DYM: variants seen among roughly 807,000 people sequenced by gnomAD.
The protein encoded by DYM is dymeclin.
DYM carries 78 observed loss-of-function variants against 93.1 expected under a neutral mutation model. The ratio of observed to expected loss-of-function variants is 0.84; its 90% CI spans 0.70 to 1.01. The LOEUF is 1.01. Ranked by LOEUF, DYM falls within the 50% of genes least tolerant of loss-of-function variation. The pLI, the probability that DYM is intolerant of heterozygous loss-of-function variation, is 0.00. For missense variants in DYM, 789 were observed against 845.0 expected (o/e 0.93, Z 0.82); for synonymous variants, 321 against 319.7 (o/e 1.00, Z -0.04).
Position 49,041,232 on chromosome 18 carries a change from G to A in DYM, c.*2823C>T, listed in dbSNP as rs1039625330. On this transcript the variant is annotated 3_prime_UTR_variant, in exon 18 of 18. Coordinates refer to ENST00000675505, the MANE Select transcript of DYM (RefSeq NM_001353214.3). Reference sequence around the variant, plus strand: ...TAGAAATCTGAAGCTCTTCTGCAAAGTGCCTTGAACTCTTGATAGGGAAGA... The same window carrying A: ...TAGAAATCTGAAGCTCTTCTGCAAAATGCCTTGAACTCTTGATAGGGAAGA... 3.3e-5 allele frequency among the ~76,000 whole-genome samples: 5 copies of A among 152,210 alleles called. No homozygotes were observed. The highest frequency in any genetic ancestry group is 7.2e-5 in the African/African-American group (3 of 41,454).
At chr18:49,416,719 G>C (rs960094255) in intron 2 of DYM, among the ~76,000 whole-genome samples, 1 of 152,084 alleles carries the variant, frequency 6.6e-6, no homozygotes, top group African/African-American at 2.4e-5. Context: ...TCCTGCCCTA[G>C]TTTTTCTTCC....
chr18:49,357,681 A>T (rs1469073899), intron 6 of DYM, among the ~76,000 whole-genome samples: 2 of 152,232 alleles, frequency 1.3e-5, no homozygotes, highest in East Asian at 3.8e-4. Flanking sequence ...TCAGTAAAGA[A>T]ATATTTGAGT....
intron 15 of DYM, among the ~76,000 whole-genome samples, chr18:49,153,119 C>G (rs1342927577): frequency 2.0e-5 from 3 of 152,126 alleles, no homozygotes; most frequent in Non-Finnish European, 4.4e-5. Flanking sequence ...TCTCATCACA[C>G]AAAATGGTAA....
At chr18:49,358,053 G>A (rs1374522762) in intron 6 of DYM, among the ~76,000 whole-genome samples, 2 of 152,178 alleles carry the variant, frequency 1.3e-5, no homozygotes, top group Non-Finnish European at 2.9e-5. Flanking sequence ...AAGAGTCTGA[G>A]ATGGGAGAAT....
chr18:49,063,333 G>C (rs994664430), intron 17 of DYM, among the ~76,000 whole-genome samples: 2 of 146,738 alleles, frequency 1.4e-5, no homozygotes, highest in Non-Finnish European at 1.5e-5. Context: ...TTAAATCCAT[G>C]CCTAAAGAAT....
chr18:49,072,874 G>C (rs371034499), intron 17 of DYM, among the ~76,000 whole-genome samples: 4 of 152,168 alleles, frequency 2.6e-5, no homozygotes, highest in African/African-American at 7.2e-5. Flanking sequence ...CATTGCTATC[G>C]TGTGCCCCTT....
At chr18:49,044,357 T>C (rs2071192029) in intron 17 of DYM, among the ~76,000 whole-genome samples, 153 bp from the exon 18 acceptor site, 2 of 152,232 alleles carry the variant, frequency 1.3e-5, no homozygotes, top group African/African-American at 4.8e-5. Flanking sequence ...TTAAAATATT[T>C]CAGCTATCAA....
intron 8 of DYM, among the ~76,000 whole-genome samples, chr18:49,310,097 C>T (rs930983600): frequency 6.6e-6 from 1 of 152,066 alleles, no homozygotes; most frequent in Non-Finnish European, 1.5e-5. Flanking sequence ...ATTGGATATA[C>T]TATGATTGTT....
chr18:49,149,220 A>C (rs1331421384), intron 15 of DYM, among the ~76,000 whole-genome samples: 1 of 152,028 alleles, frequency 6.6e-6, no homozygotes, highest in African/African-American at 2.4e-5. Context: ...AGTGACGGGG[A>C]GAAGCTGCCA....
intron 8 of DYM, among the ~76,000 whole-genome samples, chr18:49,330,475 C>G (rs1407498062): frequency 6.6e-6 from 1 of 152,044 alleles, no homozygotes; most frequent in Non-Finnish European, 1.5e-5. Flanking sequence ...ACCTGGCACA[C>G]TAATGATACC....
At chr18:49,098,468 C>T (rs1429850230) in intron 16 of DYM, among the ~76,000 whole-genome samples, 1 of 152,204 alleles carries the variant, frequency 6.6e-6, no homozygotes, top group Non-Finnish European at 1.5e-5. Flanking sequence ...CACTATATTA[C>T]ATAAATGCCA....
rs374741900 is a variant in DYM at position 49,316,142 on chromosome 18, C to T, written c.763+15722G>A. Among the ~76,000 whole-genome samples, 25 of 152,108 alleles carry T rather than the reference C, an allele frequency of 1.6e-4. No individual in the cohort carries two copies. The South Asian group carries it at 4.2e-3, about 25-fold the overall frequency. ...ACTAAAAATACTAAAATTAGCCGGG[C>T]GTGGCGGCGCATGCCTGTAATCCCA... On this transcript the variant is annotated intron_variant, in intron 8 of 17. Coordinates refer to ENST00000675505, the MANE Select transcript of DYM (RefSeq NM_001353214.3).
rs373639354 is a variant in DYM, at chr18:49,286,492, A to G, written c.888T>C (p.Asp296=). The G allele has an allele frequency of 1.9e-6, 3 of 1,614,070 alleles. No homozygotes were observed. Among genetic ancestry groups the G allele is most frequent in the African/African-American group, 1.3e-5 (1 of 74,944 alleles). ...LLLLVLANLT[D]ASDAPNPYRQ... is the part of the protein sequence containing the mutation. The stretch of plus-strand genomic sequence containing the variant: ...TGTAGGGGTTTGGCGCATCTGAGGC[A>G]TCTGTCAGATTGGCCAACACCAGCA... Residue 296 remains aspartate (D), a synonymous_variant, in exon 9 of 18, where the codon GAT becomes GAC. Coordinates refer to ENST00000675505, the MANE Select transcript of DYM (RefSeq NM_001353214.3).
rs199516387 is a variant in DYM at position 49,442,860 on chromosome 18, C to CT, written c.-53-12414dup. Among the ~76,000 whole-genome samples, 537 of 142,842 alleles carry CT rather than the reference C, an allele frequency of 3.8e-3. 1 individual carries two copies. Among genetic ancestry groups the CT allele is most frequent in the African/African-American group, 7.2e-3 (281 of 39,062 alleles). The allele number at this position is 142,842 out of a possible 152,430, so 93.7% of individuals were successfully genotyped here. A position where few individuals can be genotyped will look rare whatever the true frequency, so the allele number is the denominator to read the frequency against. ...TGTGCTGCCTGAAGAATGATTCCTA[C>CT]TTTTTTTTTTTTTTTCAGACAGGGT... On this transcript the variant is annotated intron_variant, in intron 1 of 17. Coordinates refer to ENST00000675505, the MANE Select transcript of DYM (RefSeq NM_001353214.3).
intron 8 of DYM, among the ~76,000 whole-genome samples, chr18:49,303,121 G>T (rs1033958303): frequency 1.3e-5 from 2 of 152,082 alleles, no homozygotes; most frequent in Non-Finnish European, 2.9e-5. Flanking sequence ...GCAATTCTGT[G>T]GTTTTTGTGT....
intron 8 of DYM, 100 bp downstream of exon 8, chr18:49,331,764 G>T: frequency 7.8e-7 from 1 of 1,278,272 alleles, no homozygotes; most frequent in Non-Finnish European, 1.1e-6. Flanking sequence ...CAAATTCAAT[G>T]TAACTATTAA....
intron 15 of DYM, among the ~76,000 whole-genome samples, chr18:49,140,354 G>T (rs1433646036): frequency 6.6e-6 from 1 of 152,090 alleles, no homozygotes; most frequent in African/African-American, 2.4e-5. Flanking sequence ...CTTGCAAGGA[G>T]TATTTCCTTG....
chr18:49,167,547 G>A (rs78439460), intron 14 of DYM, among the ~76,000 whole-genome samples: 5,984 of 152,028 alleles, frequency 0.039, 385 homozygotes, highest in African/African-American at 0.14. Context: ...TATAATTTTG[G>A]CTTTTATTTA....
chr18:49,369,510 C>G (rs2066807261), intron 5 of DYM, among the ~76,000 whole-genome samples: 1 of 152,170 alleles, frequency 6.6e-6, no homozygotes, highest in Admixed American at 6.5e-5. Flanking sequence ...CTGGAGTTCT[C>G]CAACCTTGAA....
Sources: gnomAD v4.1 joint callset for allele counts (sites outside exome capture counted in the v4.1 genomes callset) on GRCh38, gnomAD v4.1.1 for gene constraint, MANE v1.5 for transcripts, NCBI Gene and HGNC (gene_info 2026-07-23, HGNC 2026-07-21) for gene names.